The following CACNA2D4 variants were observed in gnomAD, a reference collection of about 807,000 sequenced individuals.
CACNA2D4 encodes voltage-dependent calcium channel subunit alpha-2/delta-4.
In CACNA2D4, 157 loss-of-function variants were observed where a neutral mutation model predicts 163.8. The observed-to-expected ratio is 0.96, with a 90% CI of 0.84 to 1.09. The LOEUF is 1.09. Among genes scored for constraint, CACNA2D4 ranks in the 50% least tolerant of loss-of-function variants. CACNA2D4 has a pLI of 0.00. For synonymous variants in CACNA2D4, 598 were observed against 586.9 expected, an observed-to-expected ratio of 1.02 and a Z score of -0.27; for missense variants, 1,410 against 1,479.9, an observed-to-expected ratio of 0.95 and a Z score of 0.78.
At chr12:1,841,766 A>C (rs1865029603) in intron 25 of CACNA2D4, among the ~76,000 whole-genome samples, 1 of 152,204 alleles carries the variant, frequency 6.6e-6, no homozygotes, top group African/African-American at 2.4e-5. Context: ...TTATGACAAC[A>C]GTGTCAATTG....
chr12:1,832,125 A>G (rs1044610343), intron 26 of CACNA2D4, among the ~76,000 whole-genome samples: 1 of 152,128 alleles, frequency 6.6e-6, no homozygotes, highest in Non-Finnish European at 1.5e-5. Flanking sequence ...TTTCTTTAAT[A>G]TGGGAAAGTG....
intron 35 of CACNA2D4, among the ~76,000 whole-genome samples, chr12:1,796,844 C>T (rs1383139664): frequency 2.0e-5 from 3 of 152,206 alleles, no homozygotes; most frequent in Non-Finnish European, 4.4e-5. Context: ...AGGAGAGACC[C>T]TTCCGCGCGG....
At position 1,844,765 on chromosome 12, in the gene CACNA2D4, C is replaced by T. The variant is rs559628897; in HGVS notation, c.2343-236G>A. ...ATAGGGTCTGTAGAGTGAGGGGATA[C>T]TTTCCATTTTTATGTAAACTCTTTT... On this transcript the variant is annotated intron_variant, in intron 24 of 37. Coordinates refer to ENST00000382722, the MANE Select transcript of CACNA2D4 (RefSeq NM_172364.5). The surrounding 1 kb of genome is among the most constrained non-coding windows in gnomAD (Gnocchi z 4.2). 6.6e-6 allele frequency among the ~76,000 whole-genome samples: 1 copy of T among 152,304 alleles called. No individual in the cohort carries two copies. Among genetic ancestry groups the T allele is most frequent in the South Asian group, 2.1e-4 (1 of 4,832 alleles).
chr12:1,870,140 T>A (rs778981360), intron 18 of CACNA2D4, among the ~76,000 whole-genome samples: 1 of 152,202 alleles, frequency 6.6e-6, no homozygotes, highest in Non-Finnish European at 1.5e-5. Context: ...AAGGAAATCC[T>A]GAGGTGTTTA....
chr12:1,859,997 G>T, intron 19 of CACNA2D4, 148 bp downstream of exon 19: 1 of 643,348 alleles, frequency 1.6e-6, no homozygotes, highest in Non-Finnish European at 2.8e-6. Flanking sequence ...TGCATTCTAG[G>T]CTACACTGGC....
At chr12:1,909,770 C>A in intron 4 of CACNA2D4, 136 bp downstream of exon 4, 1 of 703,318 alleles carries the variant, frequency 1.4e-6, no homozygotes, top group East Asian at 2.7e-5. Context: ...CATTGCTGTG[C>A]CTGTGAGGGG....
At chr12:1,907,215 G>C (rs1866680766) in intron 6 of CACNA2D4, among the ~76,000 whole-genome samples, 1 of 152,208 alleles carries the variant, frequency 6.6e-6, no homozygotes, top group Admixed American at 6.5e-5. Context: ...TGGTTTCATG[G>C]TGTTTGATGG....
intron 6 of CACNA2D4, among the ~76,000 whole-genome samples, chr12:1,887,903 C>T (rs1866188116): frequency 6.6e-6 from 1 of 152,174 alleles, no homozygotes; most frequent in Admixed American, 6.5e-5. Context: ...CTTCCTCCTC[C>T]ACAGTGGTTA....
chr12:1,811,226 GA>G (rs1863696136), intron 27 of CACNA2D4, among the ~76,000 whole-genome samples: 1 of 152,208 alleles, frequency 6.6e-6, no homozygotes, highest in African/African-American at 2.4e-5. Flanking sequence ...AGAGGGACCT[GA>G]GGGCTCTGGG....
Position 1,829,565 on chromosome 12 carries a change from C to T in CACNA2D4, c.2551+11174G>A, listed in dbSNP as rs58095108. On this transcript the variant is annotated intron_variant, in intron 26 of 37. Transcript: ENST00000382722. The surrounding 1 kb of genome is among the most constrained non-coding windows in gnomAD (Gnocchi z 4.2). ...CCACGTGTCAGCTCTCAGCTGTCAT[C>T]GATCCTCCAGGCAGGGAAGGGGAGA... 9.5e-3 allele frequency among the ~76,000 whole-genome samples: 1,441 copies of T among 152,106 alleles called. 21 individuals are homozygous for T. Among genetic ancestry groups the T allele is most frequent in the African/African-American group, 0.033 (1,376 of 41,520 alleles).
At chr12:1,813,293 G>A (rs12423421) in intron 26 of CACNA2D4, among the ~76,000 whole-genome samples, 1 of 152,166 alleles carries the variant, frequency 6.6e-6, no homozygotes, top group African/African-American at 2.4e-5. Context: ...CCTTCAGGGG[G>A]TCCAGGGTGG....
intron 26 of CACNA2D4, chr12:1,831,192 C>T (rs979717837): frequency 6.2e-7 from 1 of 1,613,892 alleles, no homozygotes; most frequent in Non-Finnish European, 8.5e-7. Flanking sequence ...CCGGCTGCCC[C>T]GCTCCATTTT....
At chr12:1,902,742 A>T (rs1866565954) in intron 6 of CACNA2D4, among the ~76,000 whole-genome samples, 1 of 152,180 alleles carries the variant, frequency 6.6e-6, no homozygotes, top group South Asian at 2.1e-4. Context: ...AAGATATTCC[A>T]TGTTCATGGA....
rs1865869758 is a variant in CACNA2D4, at chr12:1,875,788, G to A, written c.1720-451C>T. Among the ~76,000 whole-genome samples the A allele has an allele frequency of 6.6e-6, 1 of 152,222 alleles. No individual in the cohort carries two copies. Among genetic ancestry groups the A allele is most frequent in the African/African-American group, 2.4e-5 (1 of 41,442 alleles). On this transcript the variant is annotated intron_variant, in intron 16 of 37. Coordinates refer to ENST00000382722, the MANE Select transcript of CACNA2D4 (RefSeq NM_172364.5). The surrounding 1 kb of genome is among the most constrained non-coding windows in gnomAD (Gnocchi z 4.0). The stretch of plus-strand genomic sequence containing the variant: ...CCTAAGACTTCACTGCTCCAACTGA[G>A]TTTGCCCGGTGTGCAGGTGCCTCAG...
intron 2 of CACNA2D4, among the ~76,000 whole-genome samples, chr12:1,914,442 C>CCA (rs1326751199): frequency 6.6e-6 from 1 of 152,162 alleles, no homozygotes; most frequent in Non-Finnish European, 1.5e-5. Flanking sequence ...TGCGCAGAGG[C>CCA]CACAGCCCTT....
intron 6 of CACNA2D4, among the ~76,000 whole-genome samples, chr12:1,901,954 C>T (rs1242226452): frequency 1.3e-5 from 2 of 151,942 alleles, no homozygotes; most frequent in African/African-American, 4.8e-5. Context: ...AGCACTGATG[C>T]AAAAATCCTC....
chr12:1,844,377 C>T lies in CACNA2D4; in HGVS notation c.2470+25G>A, dbSNP rs768552968. 6.2e-7 allele frequency: 1 copy of T among 1,611,486 alleles called. No individual in the cohort carries two copies. Among genetic ancestry groups the T allele is most frequent in the East Asian group, 2.2e-5 (1 of 44,820 alleles). On this transcript the variant is annotated intron_variant, in intron 25 of 37. Transcript: ENST00000382722. This position sits in a 1 kb window ranked among gnomAD's most constrained non-coding sequence, Gnocchi z 4.2. The stretch of plus-strand genomic sequence containing the variant: ...AGACTGGCCTGAGACTGGCCCAGCC[C>T]CGGGAGCACCGGGCTGTGTGTTACC...
chr12:1,809,774 C>T (rs193004808), intron 29 of CACNA2D4, among the ~76,000 whole-genome samples: 9 of 152,300 alleles, frequency 5.9e-5, no homozygotes, highest in Admixed American at 2.6e-4. Flanking sequence ...TCTGACACAC[C>T]GAAGGCCGGG....
At chr12:1,900,147 T>G (rs911146417) in intron 6 of CACNA2D4, among the ~76,000 whole-genome samples, 2 of 152,216 alleles carry the variant, frequency 1.3e-5, no homozygotes, top group Non-Finnish European at 2.9e-5. Flanking sequence ...ATTGTTTTTT[T>G]GAGACAAGGT....
Sources: gnomAD v4.1 joint callset for allele counts (sites outside exome capture counted in the v4.1 genomes callset) on GRCh38, gnomAD v4.1.1 for gene constraint, Gnocchi (gnomAD v3.1) non-coding constraint, MANE v1.5 for transcripts, NCBI Gene and HGNC (gene_info 2026-07-23, HGNC 2026-07-21) for gene names.